Variants in ZNF106 observed in about 807,000 individuals in gnomAD.
ZNF106 encodes zinc finger protein 106.
A neutral mutation model predicts 195.1 loss-of-function variants in ZNF106; 67 were observed. The observed-to-expected ratio is 0.34, with a 90% confidence interval of 0.28 to 0.42. The LOEUF (loss-of-function observed/expected upper bound fraction) is 0.42. Among genes scored for constraint, ZNF106 ranks in the 10% least tolerant of loss-of-function variants. The pLI, the probability that ZNF106 is intolerant of heterozygous loss-of-function variation, is 1.00. For missense variants in ZNF106, 2,118 were observed against 2,304.5 expected, an observed-to-expected ratio of 0.92 and a Z score of 1.66; for synonymous variants, 784 against 818.6, an observed-to-expected ratio of 0.96 and a Z score of 0.72.
chr15:42,479,613 G>A (rs570605814), intron 1 of ZNF106, among the ~76,000 whole-genome samples: 57 of 151,978 alleles, frequency 3.8e-4, no homozygotes, highest in African/African-American at 1.4e-3. Context: ...AGGCCAAGGC[G>A]GGCAGATCAC....
At chr15:42,466,247 T>A (rs2056514583) in intron 2 of ZNF106, 133 bp from the exon 3 acceptor site, 1 of 513,726 alleles carries the variant, frequency 1.9e-6, no homozygotes, top group Non-Finnish European at 3.3e-6. Context: ...TATTCTCAAT[T>A]TAATACTGAA....
intron 1 of ZNF106, among the ~76,000 whole-genome samples, chr15:42,473,395 G>A (rs931781935): frequency 1.3e-5 from 2 of 152,034 alleles, no homozygotes; most frequent in Non-Finnish European, 2.9e-5. Context: ...CGAATCATTC[G>A]CATGCCCTCC....
chr15:42,435,025 C>T (rs1364018382), intron 14 of ZNF106, among the ~76,000 whole-genome samples: 4 of 152,212 alleles, frequency 2.6e-5, no homozygotes, highest in African/African-American at 7.2e-5. Flanking sequence ...CCACCCGCCT[C>T]TGCCTCCCAA....
At chr15:42,425,170 G>T in intron 15 of ZNF106, 145 bp from the exon 16 acceptor site, 1 of 766,458 alleles carries the variant, frequency 1.3e-6, no homozygotes, top group Non-Finnish European at 2.1e-6. Context: ...ATCCATCTCC[G>T]CTATTTCCCA....
Position 42,421,901 on chromosome 15 carries a change from G to T in ZNF106, c.5445+16C>A. On this transcript the variant is annotated intron_variant, in intron 19 of 21. Transcript: ENST00000564754. ...ACATTCAAAAGCAAATATCTTACAT[G>T]ACAAATAACACTCACCATGCTTTTA... 3 of 1,515,068 alleles carry T rather than the reference G, an allele frequency of 2.0e-6. No individual in the cohort carries two copies. The South Asian group carries it at 3.9e-5, about 20-fold the overall frequency. 93.9% of individuals were successfully genotyped at this position (1,515,068 alleles called of 1,614,324 possible). A position where few individuals can be genotyped will look rare whatever the true frequency, so the allele number is the denominator to read the frequency against.
Position 42,449,967 on chromosome 15 carries a change from G to A in ZNF106, c.2305C>T (p.Leu769Phe). The A allele has an allele frequency of 1.2e-6, 2 of 1,614,192 alleles. No individual in the cohort carries two copies. The highest frequency in any genetic ancestry group is 1.7e-6 in the Non-Finnish European group (2 of 1,180,028). ...ISLKSKTGVH[L>F]PEPNLNSARR... ...GCACTATTGAGGTTTGGCTCAGGAA[G>A]GTGTACTCCAGTTTTGCTCTTCAAA... is the stretch of plus-strand genomic sequence containing the variant. The change falls in exon 5 of 22, where the codon CTT (leucine) becomes TTT (phenylalanine). Residue 769 changes from leucine (L) to phenylalanine (F), a missense_variant. Physicochemically the swap from Leu to Phe is conservative, Grantham distance 22. Coordinates refer to ENST00000564754, the MANE Select transcript of ZNF106 (RefSeq NM_001366845.3).
chr15:42,475,218 C>T (rs1283496864), intron 1 of ZNF106, among the ~76,000 whole-genome samples: 3 of 152,024 alleles, frequency 2.0e-5, no homozygotes, highest in African/African-American at 4.8e-5. Flanking sequence ...TTTGGGAGGC[C>T]GAGGTGGGTG....
chr15:42,435,029 C>T (rs2055219570), intron 14 of ZNF106, among the ~76,000 whole-genome samples: 1 of 152,206 alleles, frequency 6.6e-6, no homozygotes, highest in African/African-American at 2.4e-5. Context: ...CCGCCTCTGC[C>T]TCCCAAAGTG....
chr15:42,477,730 A>C (rs2141438479), intron 1 of ZNF106, among the ~76,000 whole-genome samples: 1 of 152,222 alleles, frequency 6.6e-6, no homozygotes. Context: ...TCTCTACTAA[A>C]AAGAAAAAAA....
At chr15:42,436,566 T>G (rs947458880) in intron 13 of ZNF106, among the ~76,000 whole-genome samples, 1 of 152,242 alleles carries the variant, frequency 6.6e-6, no homozygotes, top group African/African-American at 2.4e-5. Flanking sequence ...TCAGACATCA[T>G]GTTCTTCAAA....
chr15:42,451,259 T>G lies in ZNF106; in HGVS notation c.1013A>C (p.Asn338Thr), dbSNP rs201401673. The change falls in exon 5 of 22, where the codon AAT becomes ACT. Residue 338 changes from asparagine (N) to threonine (T), a missense_variant. Transcript: ENST00000564754. ...GGTTTGGCTTTCCAGCTGCTCAAAATTGAAGTCGAGTAAGCCTTCTGAAGG... is the reference window on the plus strand; with the variant it reads ...GGTTTGGCTTTCCAGCTGCTCAAAAGTGAAGTCGAGTAAGCCTTCTGAAGG... ...KFPSEGLLDFNFEQLESQTTK... is the reference protein window; with the variant it reads ...KFPSEGLLDFTFEQLESQTTK... 5.0e-6 allele frequency: 8 copies of G among 1,614,168 alleles called. 1 individual carries two copies.
rs1173445091 is a variant in ZNF106 at position 42,417,240 on chromosome 15, T to C, written c.*64A>G. On this transcript the variant is annotated 3_prime_UTR_variant, in exon 22 of 22. Transcript: ENST00000564754. ...CACCAAGAAAGGGAAGAGAGTGGCC[T>C]GTGTGGGGGGCCAATGTGAAAATAG... The C allele has an allele frequency of 9.0e-6, 14 of 1,562,990 alleles. 1 individual carries two copies. In the South Asian group the frequency reaches 1.3e-4, roughly 15 times the overall value.
intron 1 of ZNF106, among the ~76,000 whole-genome samples, chr15:42,480,382 T>C (rs2056874691): frequency 6.6e-6 from 1 of 152,228 alleles, no homozygotes; most frequent in Non-Finnish European, 1.5e-5. Flanking sequence ...AGGCTTCTTA[T>C]GCTACTTTGT....
At chr15:42,440,998 A>AATATATATAT (rs56924955) in intron 10 of ZNF106, among the ~76,000 whole-genome samples, 17 of 23,562 alleles carry the variant, frequency 7.2e-4, no homozygotes, top group African/African-American at 1.5e-3. Flanking sequence ...AAAAAAAAAA[A>AATATATATAT]ATATATATAT....
Position 42,417,204 on chromosome 15 carries a change from C to G in ZNF106, c.*100G>C. The G allele has an allele frequency of 7.4e-7, 1 of 1,348,628 alleles. No individual in the cohort carries two copies. The highest frequency in any genetic ancestry group is 2.4e-5 in the East Asian group (1 of 42,442). The allele number at this position is 1,348,628 out of a possible 1,614,324, so 83.5% of individuals were successfully genotyped here. ...ATGCCTGGCTAGTAACCACTTTCTC[C>G]TTCCTTACTTCACCAAGAAAGGGAA... On this transcript the variant is annotated 3_prime_UTR_variant, in exon 22 of 22. Coordinates refer to ENST00000564754, the MANE Select transcript of ZNF106 (RefSeq NM_001366845.3).
In ZNF106 at chr15:42,451,823, G is replaced by A. The variant is rs752408371; in HGVS notation, c.449C>T (p.Pro150Leu). The A allele has an allele frequency of 6.2e-7, 1 of 1,614,052 alleles. No homozygotes were observed. The highest frequency in any genetic ancestry group is 1.7e-5 in the Admixed American group (1 of 60,008). ...TTCCCATTTCCAATCCCGCTGTGGAGGTCCACGATGATGCCATGCAGGCTG... is the reference window on the plus strand; with the variant it reads ...TTCCCATTTCCAATCCCGCTGTGGAAGTCCACGATGATGCCATGCAGGCTG... Reference protein sequence around the residue: ...YSQPAWHHRGPPQRDWKWEKD... With the variant: ...YSQPAWHHRGLPQRDWKWEKD... The change falls in exon 5 of 22, where the codon CCT becomes CTT. Residue 150 changes from proline to leucine, a missense_variant. Coordinates refer to ENST00000564754, the MANE Select transcript of ZNF106 (RefSeq NM_001366845.3).
At chr15:42,452,056 T>C in intron 4 of ZNF106, 102 bp from the exon 5 acceptor site, 1 of 1,300,436 alleles carries the variant, frequency 7.7e-7, no homozygotes, top group Non-Finnish European at 1.0e-6. Context: ...TCCCGTTACT[T>C]AGAATATGTA....
rs781495300 is a variant in ZNF106 at position 42,417,272 on chromosome 15, T to C, written c.*32A>G. The C allele has an allele frequency of 5.0e-6, 8 of 1,613,572 alleles. No individual in the cohort carries two copies. The South Asian group carries it at 7.7e-5, about 16-fold the overall frequency. On this transcript the variant is annotated 3_prime_UTR_variant, in exon 22 of 22. Coordinates refer to ENST00000564754, the MANE Select transcript of ZNF106 (RefSeq NM_001366845.3). ...GGGGCCAATGTGAAAATAGTTCAAC[T>C]AATGACTTCCCAACGTGGGAGGCAA...
chr15:42,451,328 G>A lies in ZNF106; in HGVS notation c.944C>T (p.Ala315Val), dbSNP rs767885171. ...RQENDKLGTV[A>V]TYRGPSEGFT... ...TCCTTCAGAAGGACCTCTATATGTGGCAACTGTACCAAGTTTGTCATTTTC... is the reference window on the plus strand; with the variant it reads ...TCCTTCAGAAGGACCTCTATATGTGACAACTGTACCAAGTTTGTCATTTTC... The change falls in exon 5 of 22, where the codon GCC (alanine) becomes GTC (valine). Residue 315 changes from alanine (A) to valine (V), a missense_variant. Coordinates refer to ENST00000564754, the MANE Select transcript of ZNF106 (RefSeq NM_001366845.3). The A allele has an allele frequency of 1.2e-6, 2 of 1,613,916 alleles. No individual in the cohort carries two copies. The highest frequency in any genetic ancestry group is 1.7e-6 in the Non-Finnish European group (2 of 1,179,878).
Sources: allele counts gnomAD v4.1 joint callset (sites outside exome capture counted in the v4.1 genomes callset), GRCh38; gene constraint gnomAD v4.1.1; transcripts MANE v1.5; gene names NCBI Gene and HGNC (gene_info 2026-07-23, HGNC 2026-07-21).